Variants in ALDH18A1 observed in about 807,000 individuals in gnomAD.
ALDH18A1 encodes delta-1-pyrroline-5-carboxylate synthase.
Under a neutral mutation model 88.8 loss-of-function variants are expected in ALDH18A1, and 44 were observed. The ratio of observed to expected loss-of-function variants is 0.50; its 90% CI spans 0.39 to 0.64. The LOEUF is 0.64. ALDH18A1 is among the 30% of genes least tolerant of loss of function. The pLI is 0.00. For synonymous variants in ALDH18A1, 331 were observed against 372.1 expected, an observed-to-expected ratio of 0.89 and a Z score of 1.27; for missense variants, 782 against 1,009.5, an observed-to-expected ratio of 0.77 and a Z score of 3.05.
chr10:95,623,078 A>G (rs2097855378), intron 11 of ALDH18A1, among the ~76,000 whole-genome samples: 1 of 152,028 alleles, frequency 6.6e-6, no homozygotes, highest in African/African-American at 2.4e-5. Context: ...GAAGCAACTG[A>G]CCTTATATTA....
intron 10 of ALDH18A1, among the ~76,000 whole-genome samples, chr10:95,625,983 T>A (rs559230098): frequency 2.0e-5 from 3 of 152,164 alleles, no homozygotes; most frequent in East Asian, 1.9e-4. Context: ...AAAAATTCAG[T>A]CCTAGGTACT....
rs565086461 is a variant in ALDH18A1 at position 95,653,750 on chromosome 10, C to T, written c.-28-345G>A. Among the ~76,000 whole-genome samples the T allele has an allele frequency of 2.0e-5, 3 of 152,282 alleles. No homozygotes were observed. The South Asian group carries it at 6.2e-4, about 32-fold the overall frequency. On this transcript the variant is annotated intron_variant, in intron 1 of 17. Transcript: ENST00000371224. ...GTTAATACTAAATCTTCATATAATT[C>T]CTGTAACAGATCCAACATCCTAAAG... is the stretch of plus-strand genomic sequence containing the variant.
At chr10:95,613,587 G>A (rs188686340) in intron 15 of ALDH18A1, among the ~76,000 whole-genome samples, 155 bp downstream of exon 15, 34 of 152,296 alleles carry the variant, frequency 2.2e-4, no homozygotes, top group African/African-American at 6.5e-4. Context: ...CAGGGGTTGT[G>A]TTTTACTCAC....
At chr10:95,611,710 G>A (rs1363958664) in intron 15 of ALDH18A1, among the ~76,000 whole-genome samples, 1 of 152,152 alleles carries the variant, frequency 6.6e-6, no homozygotes, top group Non-Finnish European at 1.5e-5. Flanking sequence ...GGTGGCTCAC[G>A]CCTGTAATCC....
At chr10:95,631,842 G>C (rs1566024004) in intron 7 of ALDH18A1, among the ~76,000 whole-genome samples, 2 of 151,848 alleles carry the variant, frequency 1.3e-5, no homozygotes, top group African/African-American at 4.8e-5. Context: ...TGGTACAAGG[G>C]GCCTTACTTT....
chr10:95,641,068 T>C (rs2097890353), intron 3 of ALDH18A1, among the ~76,000 whole-genome samples: 1 of 151,944 alleles, frequency 6.6e-6, no homozygotes, highest in Non-Finnish European at 1.5e-5. Context: ...CTAGAGCCTG[T>C]CCCTTCCCCA....
In ALDH18A1 at chr10:95,617,054, C is replaced by G. The variant is rs140533278; in HGVS notation, c.1468-440G>C. ...CTGAGGTCAGGAGTTCGATACCAGC[C>G]TGACCAACATGGTGAAACCCCATCT... On this transcript the variant is annotated intron_variant, in intron 12 of 17. Transcript: ENST00000371224. 4.2e-4 allele frequency among the ~76,000 whole-genome samples: 64 copies of G among 152,312 alleles called. No individual in the cohort carries two copies. The East Asian group carries it at 0.011, about 27-fold the overall frequency.
chr10:95,647,328 C>T (rs1045555963), intron 2 of ALDH18A1, among the ~76,000 whole-genome samples: 1 of 152,178 alleles, frequency 6.6e-6, no homozygotes, highest in Non-Finnish European at 1.5e-5. Flanking sequence ...GAAATTTCAA[C>T]CCCTTCACTT....
intron 5 of ALDH18A1, among the ~76,000 whole-genome samples, chr10:95,635,357 C>G (rs2097878631): frequency 6.6e-6 from 1 of 152,114 alleles, no homozygotes; most frequent in Admixed American, 6.5e-5. Flanking sequence ...ACCAAAATAG[C>G]TTCACAAACA....
chr10:95,653,841 C>T (rs1178213765), intron 1 of ALDH18A1, among the ~76,000 whole-genome samples: 1 of 152,224 alleles, frequency 6.6e-6, no homozygotes, highest in South Asian at 2.1e-4. Context: ...TTTGAAATGT[C>T]AGCTTGATCC....
intron 11 of ALDH18A1, among the ~76,000 whole-genome samples, chr10:95,622,530 A>G (rs2139574043): frequency 1.3e-5 from 2 of 151,734 alleles, no homozygotes; most frequent in East Asian, 3.9e-4. Flanking sequence ...TGGCAAGCTC[A>G]TACGCAGAAT....
chr10:95,651,425 GT>G (rs1354076697), intron 2 of ALDH18A1, among the ~76,000 whole-genome samples: 1 of 123,096 alleles, frequency 8.1e-6, no homozygotes, highest in Non-Finnish European at 1.9e-5. Context: ...TTATAAAACT[GT>G]GTTAGGCCAT....
intron 2 of ALDH18A1, among the ~76,000 whole-genome samples, chr10:95,648,580 G>A (rs989484217): frequency 3.3e-5 from 5 of 152,106 alleles, no homozygotes; most frequent in Non-Finnish European, 5.9e-5. Context: ...AGCTGGCCCC[G>A]TAACTTGCTT....
intron 5 of ALDH18A1, among the ~76,000 whole-genome samples, chr10:95,635,648 G>A (rs557342321): frequency 6.6e-6 from 1 of 152,212 alleles, no homozygotes; most frequent in Admixed American, 6.5e-5. Context: ...TGGCCTTGGG[G>A]GAAGACACAG....
intron 12 of ALDH18A1, 112 bp downstream of exon 12, chr10:95,620,919 C>T: frequency 9.3e-7 from 1 of 1,072,772 alleles, no homozygotes; most frequent in South Asian, 1.5e-5. Context: ...TGCACATGTA[C>T]CCTAGAACTT....
At chr10:95,615,422 G>A (rs915516770) in intron 13 of ALDH18A1, among the ~76,000 whole-genome samples, 8 of 152,106 alleles carry the variant, frequency 5.3e-5, no homozygotes, top group Admixed American at 5.2e-4. Flanking sequence ...CATATTGACT[G>A]GGAAGGGCAC....
intron 1 of ALDH18A1, 177 bp downstream of exon 1, chr10:95,656,420 A>G (rs1328726113): frequency 1.3e-5 from 2 of 152,152 alleles, no homozygotes; most frequent in Non-Finnish European, 2.9e-5. Context: ...TGCAGCCGCC[A>G]TCCCTCGGCC....
intron 11 of ALDH18A1, among the ~76,000 whole-genome samples, chr10:95,623,831 C>T (rs1284586318): frequency 6.6e-6 from 1 of 152,122 alleles, no homozygotes; most frequent in Non-Finnish European, 1.5e-5. Flanking sequence ...TCCGAAAGTG[C>T]TGGGATTACA....
chr10:95,641,147 T>C (rs868544364), intron 3 of ALDH18A1, among the ~76,000 whole-genome samples: 77 of 152,220 alleles, frequency 5.1e-4, no homozygotes, highest in African/African-American at 1.7e-3. Context: ...ACTTTTCCCC[T>C]CTGTTTGTGC....
Sources: allele counts gnomAD v4.1 joint callset (sites outside exome capture counted in the v4.1 genomes callset), GRCh38; gene constraint gnomAD v4.1.1; transcripts MANE v1.5; gene names NCBI Gene and HGNC (gene_info 2026-07-23, HGNC 2026-07-21).